BIRC5: variants seen among roughly 807,000 people sequenced by gnomAD.
BIRC5 encodes the protein baculoviral IAP repeat containing 5, also known as baculoviral IAP repeat-containing protein 5.
In BIRC5, 8 loss-of-function variants were observed where a neutral mutation model predicts 15.8. The ratio of observed to expected loss-of-function variants is 0.51; its 90% CI spans 0.30 to 0.91. BIRC5 has a LOEUF of 0.91. Among genes scored for constraint, BIRC5 ranks in the 40% least tolerant of loss-of-function variants. BIRC5 has a pLI of 0.07. For synonymous variants in BIRC5, 56 were observed against 64.5 expected (o/e 0.87, Z 0.63); for missense variants, 163 against 178.6 (o/e 0.91, Z 0.50).
intron 3 of BIRC5, among the ~76,000 whole-genome samples, 187 bp downstream of exon 3, chr17:78,216,968 C>T (rs927520316): frequency 5.3e-5 from 8 of 152,004 alleles, no homozygotes; most frequent in African/African-American, 1.2e-4. Flanking sequence ...CAACCTCTGC[C>T]TCTCGGGTTC....
At position 78,218,104 on chromosome 17, in the gene BIRC5, C is replaced by A. The variant is rs17879972; in HGVS notation, c.339+1323C>A. On this transcript the variant is annotated intron_variant, in intron 3 of 3. Transcript: ENST00000350051. ...GAGATTACAGGCATGAGCCACCGTG[C>A]CCAGCTAGGAATCATTTTTAAAGCC... Among the ~76,000 whole-genome samples the A allele has an allele frequency of 5.9e-3, 892 of 151,866 alleles. 17 individuals carry two copies. The highest frequency in any genetic ancestry group is 0.02 in the African/African-American group (836 of 41,388).
chr17:78,214,283 C>G lies in BIRC5; in HGVS notation c.-34C>G. On this transcript the variant is annotated 5_prime_UTR_variant, in exon 1 of 4. It adds an upstream start codon to the 5' untranslated region. Transcript: ENST00000350051. ...GCGCCATTAACCGCCAGATTTGAATCGCGGGACCCGTTGGCAGAGGTGGCG... is the reference window on the plus strand; with the variant it reads ...GCGCCATTAACCGCCAGATTTGAATGGCGGGACCCGTTGGCAGAGGTGGCG... 2 of 1,572,874 alleles carry G rather than the reference C, an allele frequency of 1.3e-6. No homozygotes were observed. Among genetic ancestry groups the G allele is most frequent in the Non-Finnish European group, 1.7e-6 (2 of 1,154,788 alleles).
At position 78,214,793 on chromosome 17, in the gene BIRC5, A is replaced by T. The variant is rs2076466053; in HGVS notation, c.221+4A>T. ...GGGAGCCAGATGACGACCCCATGTA[A>T]GTCTTCTCTGGCCAGCCTCGATGGG... On this transcript the variant is annotated splice_donor_region_variant and intron_variant, in intron 2 of 3. Transcript: ENST00000350051. 1 of 1,609,816 alleles carries T rather than the reference A, an allele frequency of 6.2e-7. No individual in the cohort carries two copies. Among genetic ancestry groups the T allele is most frequent in the Non-Finnish European group, 8.5e-7 (1 of 1,177,932 alleles).
chr17:78,215,051 CTGT>C (rs1287534682), intron 2 of BIRC5: 12 of 391,802 alleles, frequency 3.1e-5, no homozygotes, highest in Admixed American at 2.4e-4. Flanking sequence ...TCAGCAGACC[CTGT>C]TGTTGTGAAC....
chr17:78,214,925 A>G, intron 2 of BIRC5, 136 bp downstream of exon 2: 1 of 780,580 alleles, frequency 1.3e-6, no homozygotes, highest in Non-Finnish European at 2.1e-6. Context: ...GTGAACGGAT[A>G]CCTCTCTATA....
chr17:78,218,536 C>T (rs542375483), intron 3 of BIRC5, among the ~76,000 whole-genome samples: 158 of 149,856 alleles, frequency 1.1e-3, no homozygotes, highest in African/African-American at 3.7e-3. Flanking sequence ...GTGATCTGCC[C>T]GCTTTAGCCT....
In BIRC5 at chr17:78,224,031, C is replaced by T. The variant is rs376324020; in HGVS notation, c.*477C>T. 224 of 171,258 alleles carry T rather than the reference C, an allele frequency of 1.3e-3. 4 individuals are homozygous for T. In the South Asian group the frequency reaches 0.029, roughly 22 times the overall value. 10.6% of individuals were successfully genotyped at this position (171,258 alleles called of 1,614,324 possible). A position where few individuals can be genotyped will look rare whatever the true frequency, so the allele number is the denominator to read the frequency against. On this transcript the variant is annotated 3_prime_UTR_variant, in exon 4 of 4. Coordinates refer to ENST00000350051, the MANE Select transcript of BIRC5 (RefSeq NM_001168.3). Reference sequence around the variant, plus strand: ...CTTATCTGTCACACCTGTGCCTCCTCAGAGGACAGTTTTTTTGTTGTTGTG... The same window carrying T: ...CTTATCTGTCACACCTGTGCCTCCTTAGAGGACAGTTTTTTTGTTGTTGTG...
chr17:78,222,216 C>A (rs1212858971), intron 3 of BIRC5, among the ~76,000 whole-genome samples: 8 of 145,134 alleles, frequency 5.5e-5, no homozygotes, highest in South Asian at 4.4e-4. Flanking sequence ...AAAAAAAAAA[C>A]CAAACGGTGC....
At chr17:78,220,799 C>T (rs1444935827) in intron 3 of BIRC5, among the ~76,000 whole-genome samples, 1 of 152,148 alleles carries the variant, frequency 6.6e-6, no homozygotes, top group African/African-American at 2.4e-5. Flanking sequence ...TGGCTCACCT[C>T]AGCCTCGACC....
At chr17:78,217,100 G>A (rs573412501) in intron 3 of BIRC5, among the ~76,000 whole-genome samples, 1 of 151,562 alleles carries the variant, frequency 6.6e-6, no homozygotes, top group Non-Finnish European at 1.5e-5. Context: ...GGCTGGTCTT[G>A]AACTCCTGAC....
intron 2 of BIRC5, among the ~76,000 whole-genome samples, chr17:78,215,811 T>A (rs967300742): frequency 6.6e-6 from 1 of 152,238 alleles, no homozygotes; most frequent in Non-Finnish European, 1.5e-5. Flanking sequence ...CTTTTTGGAC[T>A]TTGTGTGGCC....
At chr17:78,219,802 T>C (rs1599031048) in intron 3 of BIRC5, among the ~76,000 whole-genome samples, 1 of 152,202 alleles carries the variant, frequency 6.6e-6, no homozygotes, top group East Asian at 1.9e-4. Flanking sequence ...AAAAAGGCCA[T>C]GACGGGCTGT....
intron 3 of BIRC5, among the ~76,000 whole-genome samples, chr17:78,217,955 C>CTTATTTAT (rs201966373): frequency 1.1e-3 from 169 of 150,776 alleles, no homozygotes; most frequent in African/African-American, 3.6e-3. Flanking sequence ...CCATGCCCAC[C>CTTATTTAT]TTATTTATTT....
intron 2 of BIRC5, chr17:78,216,115 G>C (rs867317238): frequency 1.0e-5 from 3 of 300,328 alleles, no homozygotes; most frequent in African/African-American, 6.8e-5. Flanking sequence ...CGGGCGTGGT[G>C]GTGGGCGCCT....
chr17:78,224,054 G>T lies in BIRC5; in HGVS notation c.*500G>T, dbSNP rs200361238. 3.5e-4 allele frequency: 36 copies of T among 102,528 alleles called. 6 individuals carry two copies. Among genetic ancestry groups the T allele is most frequent in the Non-Finnish European group, 2.8e-4 (14 of 49,566 alleles). 6.4% of individuals were successfully genotyped at this position (102,528 alleles called of 1,614,324 possible). ...CTCAGAGGACAGTTTTTTTGTTGTT[G>T]TGTTTTTTTGTTTTTTTTTTTTTGG... On this transcript the variant is annotated 3_prime_UTR_variant, in exon 4 of 4. Coordinates refer to ENST00000350051, the MANE Select transcript of BIRC5 (RefSeq NM_001168.3).
chr17:78,215,822 A>G, intron 2 of BIRC5: 13 of 941,938 alleles, frequency 1.4e-5, no homozygotes, highest in Non-Finnish European at 1.7e-5. Flanking sequence ...TTGTGTGGCC[A>G]TGTTTTCATT....
chr17:78,216,585 TG>T (rs2076479507), intron 2 of BIRC5, 78 bp from the exon 3 acceptor site: 2 of 1,199,784 alleles, frequency 1.7e-6, no homozygotes. Flanking sequence ...GTGGAGGGCG[TG>T]GGGAGGTGGC....
chr17:78,214,865 T>G (rs750779092), intron 2 of BIRC5, 76 bp downstream of exon 2: 1 of 1,368,822 alleles, frequency 7.3e-7, no homozygotes. Flanking sequence ...GCAAAGACAC[T>G]TAGTATGGGA....
At chr17:78,222,017 G>A (rs763427520) in intron 3 of BIRC5, among the ~76,000 whole-genome samples, 28 of 151,806 alleles carry the variant, frequency 1.8e-4, no homozygotes, top group Non-Finnish European at 3.8e-4. Context: ...GGGCAATGTG[G>A]CCAGACCTCA....
Sources: allele counts gnomAD v4.1 joint callset (sites outside exome capture counted in the v4.1 genomes callset), GRCh38; gene constraint gnomAD v4.1.1; transcripts MANE v1.5; gene names NCBI Gene and HGNC (gene_info 2026-07-23, HGNC 2026-07-21).